Variants in DOCK4 observed in about 807,000 individuals in gnomAD.
DOCK4 encodes the protein dedicator of cytokinesis 4.
A neutral mutation model predicts 268.1 loss-of-function variants in DOCK4; 97 were observed. The observed-to-expected ratio is 0.36, with a 90% CI of 0.31 to 0.43. The LOEUF (loss-of-function observed/expected upper bound fraction) is 0.43. DOCK4 is among the 20% of genes least tolerant of loss of function. DOCK4 has a pLI of 1.00. For missense variants in DOCK4, 2,145 were observed against 2,455.7 expected (o/e 0.87, Z 2.67); for synonymous variants, 954 against 887.2 (o/e 1.08, Z -1.34).
chr7:112,007,917 C>T (rs1436769214), intron 1 of DOCK4, among the ~76,000 whole-genome samples: 1 of 152,132 alleles, frequency 6.6e-6, no homozygotes, highest in Non-Finnish European at 1.5e-5. Flanking sequence ...AATGCATTGT[C>T]ACCAGTTATT....
chr7:111,921,530 G>A (rs944175925), intron 12 of DOCK4, among the ~76,000 whole-genome samples: 29 of 152,156 alleles, frequency 1.9e-4, no homozygotes, highest in African/African-American at 6.3e-4. Context: ...ATGTAGCTAC[G>A]AATGCACAGC....
In DOCK4 at chr7:111,758,676, C is replaced by A. The variant is rs373247688; in HGVS notation, c.4277G>T (p.Arg1426Leu). The A allele has an allele frequency of 1.2e-6, 2 of 1,613,932 alleles. No individual in the cohort carries two copies. The highest frequency in any genetic ancestry group is 1.1e-5 in the South Asian group (1 of 91,064). ...GCCTTTGTGAAATGGTCGGTCATAG[C>A]GGAATTTCCAGATGTGATTCACTTT... ...FYKVNHIWKF[R>L]YDRPFHKGTK... is the part of the protein sequence containing the mutation. Residue 1426 changes from arginine (R) to leucine (L), a missense_variant, in exon 41 of 53, where the codon CGC (arginine) becomes CTC (leucine). Coordinates refer to ENST00000428084, the MANE Select transcript of DOCK4 (RefSeq NM_001363540.2).
At chr7:112,041,174 TGTGAC>T (rs1804322995) in intron 1 of DOCK4, among the ~76,000 whole-genome samples, 1 of 152,212 alleles carries the variant, frequency 6.6e-6, no homozygotes. Context: ...ACCCATCTAT[TGTGAC>T]AGGAAGGTCA....
intron 1 of DOCK4, among the ~76,000 whole-genome samples, chr7:112,034,232 G>C (rs1803535781): frequency 1.3e-5 from 2 of 152,076 alleles, no homozygotes; most frequent in Admixed American, 6.6e-5. Flanking sequence ...TTCTTCAAAT[G>C]GCTAATAAAA....
chr7:112,143,921 T>A (rs1815175051), intron 1 of DOCK4, among the ~76,000 whole-genome samples: 1 of 152,196 alleles, frequency 6.6e-6, no homozygotes, highest in African/African-American at 2.4e-5. Context: ...TGTTACATTT[T>A]CTCTTCCTAC....
Position 111,893,958 on chromosome 7 carries a change from C to T in DOCK4, c.1587+1654G>A, listed in dbSNP as rs559879076. ...CCAGGTGTGGGCTGGGCGCAGTGGC[C>T]CACGCCTGTAATCCCAGCACTTTGG... On this transcript the variant is annotated intron_variant, in intron 16 of 52. Coordinates refer to ENST00000428084, the MANE Select transcript of DOCK4 (RefSeq NM_001363540.2). Among the ~76,000 whole-genome samples, 16 of 151,798 alleles carry T rather than the reference C, an allele frequency of 1.1e-4. No individual in the cohort carries two copies. The South Asian group carries it at 1.5e-3, about 14-fold the overall frequency.
At chr7:112,131,086 T>C (rs914516147) in intron 1 of DOCK4, among the ~76,000 whole-genome samples, 3 of 152,152 alleles carry the variant, frequency 2.0e-5, no homozygotes, top group Non-Finnish European at 4.4e-5. Context: ...ATGCCATAAA[T>C]ATGTCTTAAA....
At chr7:111,921,107 C>T (rs1586375475) in intron 12 of DOCK4, among the ~76,000 whole-genome samples, 1 of 151,954 alleles carries the variant, frequency 6.6e-6, no homozygotes, top group Non-Finnish European at 1.5e-5. Context: ...AATGAAATTG[C>T]TGTGGGAGAA....
intron 39 of DOCK4, among the ~76,000 whole-genome samples, chr7:111,763,733 T>C (rs1294581173): frequency 1.8e-5 from 1 of 54,732 alleles, no homozygotes; most frequent in Non-Finnish European, 6.7e-5. Context: ...CTCTAGACTG[T>C]CTGCTGCTCT....
At chr7:112,050,189 C>T (rs188341377) in intron 1 of DOCK4, among the ~76,000 whole-genome samples, 3 of 152,166 alleles carry the variant, frequency 2.0e-5, no homozygotes, top group Admixed American at 2.0e-4. Context: ...TGGCACTTTC[C>T]CCCAGAATTT....
At chr7:111,886,180 T>A (rs1273126664) in intron 16 of DOCK4, among the ~76,000 whole-genome samples, 1 of 152,146 alleles carries the variant, frequency 6.6e-6, no homozygotes, top group Non-Finnish European at 1.5e-5. Flanking sequence ...AAGTAGGTAA[T>A]CACATTAAAA....
intron 1 of DOCK4, among the ~76,000 whole-genome samples, chr7:112,073,337 T>A (rs1262232256): frequency 6.6e-6 from 1 of 151,952 alleles, no homozygotes; most frequent in African/African-American, 2.4e-5. Context: ...AATACCTGCA[T>A]CCCCATGTTT....
chr7:112,097,278 A>G (rs1278346942), intron 1 of DOCK4, among the ~76,000 whole-genome samples: 1 of 152,216 alleles, frequency 6.6e-6, no homozygotes, highest in African/African-American at 2.4e-5. Context: ...AGGATGAAAA[A>G]GATTCAGGCT....
intron 38 of DOCK4, among the ~76,000 whole-genome samples, chr7:111,765,928 C>T (rs879215198): frequency 5.3e-5 from 8 of 152,138 alleles, no homozygotes; most frequent in Non-Finnish European, 1.0e-4. Flanking sequence ...CTCTATCCCC[C>T]CTCTAGTAAC....
intron 1 of DOCK4, among the ~76,000 whole-genome samples, chr7:112,074,660 A>G (rs1033227792): frequency 4.6e-5 from 7 of 152,154 alleles, no homozygotes; most frequent in Non-Finnish European, 8.8e-5. Flanking sequence ...GCAACACTTC[A>G]TCTGGGCAGA....
rs141650550 is a variant in DOCK4, at chr7:111,898,433, A to T, written c.1480+1941T>A. On this transcript the variant is annotated intron_variant, in intron 15 of 52. Transcript: ENST00000428084. ...CATCACTTTCTACTCCCTAGCTGCA[A>T]TTTAAGTCTTCACTGCACTTCATCA... Among the ~76,000 whole-genome samples, 193 of 152,260 alleles carry T rather than the reference A, an allele frequency of 1.3e-3. 2 individuals carry two copies. The highest frequency in any genetic ancestry group is 5.6e-3 in the South Asian group (27 of 4,820).
At chr7:112,203,826 T>TACAC (rs3056587) in intron 1 of DOCK4, among the ~76,000 whole-genome samples, 47 of 146,998 alleles carry the variant, frequency 3.2e-4, no homozygotes, top group African/African-American at 1.1e-3. Flanking sequence ...AAAATTTCAC[T>TACAC]ACACACACAC....
At chr7:112,119,421 A>C (rs1812501192) in intron 1 of DOCK4, among the ~76,000 whole-genome samples, 1 of 152,166 alleles carries the variant, frequency 6.6e-6, no homozygotes, top group Admixed American at 6.5e-5. Flanking sequence ...TGGCCCGCCA[A>C]AGTTAAAAGC....
rs1177811566 is a variant in DOCK4 at position 111,726,140 on chromosome 7, T to C, written c.*2134A>G. On this transcript the variant is annotated 3_prime_UTR_variant, in exon 53 of 53. Transcript: ENST00000428084. ...ATTAATCTGGTAATTTTATTTAATA[T>C]TTACCATTCAGCAGCAACCAACATG... The C allele has an allele frequency of 6.6e-6, 1 of 152,588 alleles. No homozygotes were observed. Among genetic ancestry groups the C allele is most frequent in the Non-Finnish European group, 1.5e-5 (1 of 68,034 alleles). The allele number at this position is 152,588 out of a possible 1,614,324, so 9.5% of individuals were successfully genotyped here.
Sources: allele counts gnomAD v4.1 joint callset (sites outside exome capture counted in the v4.1 genomes callset), GRCh38; gene constraint gnomAD v4.1.1; transcripts MANE v1.5; gene names NCBI Gene and HGNC (gene_info 2026-07-23, HGNC 2026-07-21).